SP140: variants seen among roughly 807,000 people sequenced by gnomAD.
The protein encoded by SP140 is SP140 nuclear body protein.
A neutral mutation model predicts 125.0 loss-of-function variants in SP140; 81 were observed. The observed-to-expected ratio is 0.65, with a 90% CI of 0.54 to 0.78. SP140 has a LOEUF of 0.78. SP140 is among the 30% of genes least tolerant of loss of function. The pLI is 0.00. For synonymous variants in SP140, 312 were observed against 354.0 expected (o/e 0.88, Z 1.33); for missense variants, 858 against 1,037.0 (o/e 0.83, Z 2.37).
chr2:230,265,618 C>G (rs2052981046), intron 12 of SP140, among the ~76,000 whole-genome samples: 2 of 152,162 alleles, frequency 1.3e-5, no homozygotes, highest in African/African-American at 4.8e-5. Context: ...AGGCCCTTTC[C>G]GCTGCTTCCC....
At chr2:230,202,355 C>T (rs961121300), upstream of SP140, among the ~76,000 whole-genome samples, 11 of 152,132 alleles carry the variant, frequency 7.2e-5, no homozygotes, top group Admixed American at 2.0e-4. Context: ...GAGCTGCTGC[C>T]CCAGGCCACA....
At chr2:230,259,709 CT>C (rs1478915182) in intron 12 of SP140, among the ~76,000 whole-genome samples, 1 of 147,338 alleles carries the variant, frequency 6.8e-6, no homozygotes, top group African/African-American at 2.5e-5. Context: ...AGTCTCCAAT[CT>C]CATCCAGGTC....
In SP140 at chr2:230,312,802, T is replaced by C; in HGVS notation, c.*118T>C. 1.4e-6 allele frequency: 1 copy of C among 711,106 alleles called. No individual in the cohort carries two copies. The highest frequency in any genetic ancestry group is 2.5e-6 in the Non-Finnish European group (1 of 405,044). The allele number at this position is 711,106 out of a possible 1,614,324, so 44.0% of individuals were successfully genotyped here. A position where few individuals can be genotyped will look rare whatever the true frequency, so the allele number is the denominator to read the frequency against. On this transcript the variant is annotated 3_prime_UTR_variant, in exon 27 of 27. Transcript: ENST00000392045. ...CAGCACATGCAGGGAGGGGCTTTTC[T>C]CTGAGCCTCCTTCATCTGCCCAAAG...
At chr2:230,310,177 AT>A in intron 23 of SP140, 138 bp downstream of exon 23, 4 of 767,922 alleles carry the variant, frequency 5.2e-6, no homozygotes, top group Middle Eastern at 2.8e-4. Flanking sequence ...CAGCAGTGTG[AT>A]CCAGAGAGCA....
intron 22 of SP140, among the ~76,000 whole-genome samples, chr2:230,309,252 T>C (rs1044850993): frequency 5.3e-5 from 8 of 152,176 alleles, no homozygotes; most frequent in African/African-American, 1.9e-4. Flanking sequence ...TTGTCCTTGG[T>C]CATCAGAGAT....
At chr2:230,287,347 T>TGGGACACCTAA (rs2056514774) in intron 17 of SP140, among the ~76,000 whole-genome samples, 1 of 152,228 alleles carries the variant, frequency 6.6e-6, no homozygotes, top group African/African-American at 2.4e-5. Context: ...ATCTCACCTA[T>TGGGACACCTAA]GGGACACCTA....
At chr2:230,308,592 G>A (rs143011197) in intron 22 of SP140, among the ~76,000 whole-genome samples, 2,210 of 152,342 alleles carry the variant, frequency 0.015, 48 homozygotes, top group African/African-American at 0.05. Flanking sequence ...TGGGGGCTGC[G>A]CTCAGGAACA....
In SP140 at chr2:230,312,877, T is replaced by C; in HGVS notation, c.*193T>C. 2.1e-6 allele frequency: 1 copy of C among 486,794 alleles called. No homozygotes were observed. Among genetic ancestry groups the C allele is most frequent in the Non-Finnish European group, 3.7e-6 (1 of 270,928 alleles). 30.2% of individuals were successfully genotyped at this position (486,794 alleles called of 1,614,324 possible). A position where few individuals can be genotyped will look rare whatever the true frequency, so the allele number is the denominator to read the frequency against. ...TCATCATGAATCACAACCCCAAGTA[T>C]CTCATCAGCCAGGGAAGAGTAAGTG... is the stretch of plus-strand genomic sequence containing the variant. On this transcript the variant is annotated 3_prime_UTR_variant, in exon 27 of 27. Transcript: ENST00000392045.
chr2:230,259,843 T>C (rs2051924552), intron 12 of SP140, among the ~76,000 whole-genome samples: 1 of 149,672 alleles, frequency 6.7e-6, no homozygotes, highest in South Asian at 2.1e-4. Flanking sequence ...ACTTGTTAAT[T>C]GGTGGGCATT....
chr2:230,221,606 T>C (rs571350958), upstream of SP140: 37 of 1,171,702 alleles, frequency 3.2e-5, no homozygotes, highest in African/African-American at 5.3e-4. Context: ...GAGGGTGCAT[T>C]GATGCCTCAG....
chr2:230,190,345 AT>A, the SP140 span, among the ~76,000 whole-genome samples: 3,635 of 151,264 alleles, frequency 0.024, 157 homozygotes, highest in African/African-American at 0.083. Context: ...GGCTACGTAA[AT>A]TTTTTTTTTT....
chr2:230,258,429 T>A (rs114275354), intron 12 of SP140, among the ~76,000 whole-genome samples: 2,174 of 152,334 alleles, frequency 0.014, 48 homozygotes, highest in African/African-American at 0.049. Flanking sequence ...CTTGCAATAC[T>A]ATCCTATTTA....
At chr2:230,188,551 C>A in the SP140 span, among the ~76,000 whole-genome samples, 1 of 152,118 alleles carries the variant, frequency 6.6e-6, no homozygotes, top group South Asian at 2.1e-4. Context: ...AAGTGGGCAT[C>A]CTTGTCTTAT....
rs754921257 is a variant in SP140, at chr2:230,294,298, A to G, written c.1996A>G (p.Ile666Val). The change falls in exon 21 of 27, where the codon ATA becomes GTA. Residue 666 changes from isoleucine to valine, a missense_variant. Ile to Val is a conservative substitution (Grantham distance 29, BLOSUM62 3). Around this residue, in one of 4 missense-constraint regions of SP140, gnomAD observed 791 missense variants for 869.5 expected, o/e 0.91. Coordinates refer to ENST00000392045, the MANE Select transcript of SP140 (RefSeq NM_007237.5). ...TGGATTTCTGCCTGATCCTCCAAGA[A>G]TACGTTACAGGAAAAAAAAGGTGAT... ...ENGFLPDPPR[I>V]RYRKKKRILK... 1 of 1,612,842 alleles carries G rather than the reference A, an allele frequency of 6.2e-7. No homozygotes were observed. The highest frequency in any genetic ancestry group is 1.1e-5 in the South Asian group (1 of 91,038).
chr2:230,267,904 A>G (rs2053365472), intron 12 of SP140, among the ~76,000 whole-genome samples: 2 of 152,222 alleles, frequency 1.3e-5, no homozygotes, highest in South Asian at 2.1e-4. Context: ...TGAGGGACCC[A>G]AGAAAAAATG....
chr2:230,297,240 T>C (rs980552997), intron 21 of SP140, among the ~76,000 whole-genome samples, 181 bp from the exon 22 acceptor site: 2 of 152,248 alleles, frequency 1.3e-5, no homozygotes, highest in African/African-American at 2.4e-5. Flanking sequence ...AGGTTTCAGT[T>C]TGCTTACTTA....
intron 5 of SP140, 52 bp from the exon 6 acceptor site, chr2:230,244,936 C>CA: frequency 7.6e-7 from 1 of 1,308,226 alleles, no homozygotes. Flanking sequence ...CAGGATTCAG[C>CA]AGGAGCATCC....
At chr2:230,258,670 A>G (rs2051664019) in intron 12 of SP140, among the ~76,000 whole-genome samples, 1 of 152,238 alleles carries the variant, frequency 6.6e-6, no homozygotes, top group African/African-American at 2.4e-5. Context: ...AATCCTGGAA[A>G]ACGTGGCTTT....
intron 1 of SP140, among the ~76,000 whole-genome samples, chr2:230,234,012 A>G (rs1232143001): frequency 6.6e-6 from 1 of 152,244 alleles, no homozygotes; most frequent in Non-Finnish European, 1.5e-5. Flanking sequence ...GATAATTTAT[A>G]CATTTGAGAC....
Sources: allele counts gnomAD v4.1 joint callset (sites outside exome capture counted in the v4.1 genomes callset), GRCh38; gene constraint gnomAD v4.1.1; regional missense constraint gnomAD v4.1.1; transcripts MANE v1.5; gene names NCBI Gene and HGNC (gene_info 2026-07-23, HGNC 2026-07-21).